The following ECE1 variants were observed in gnomAD, a reference collection of about 807,000 sequenced individuals.
ECE1 encodes the protein endothelin-converting enzyme 1.
In ECE1, 35 loss-of-function variants were observed where a neutral mutation model predicts 98.6. The observed-to-expected ratio is 0.35, with a 90% confidence interval of 0.27 to 0.47. The LOEUF (loss-of-function observed/expected upper bound fraction) is 0.47. Ranked by LOEUF, ECE1 falls within the 20% of genes least tolerant of loss-of-function variation. The probability of loss-of-function intolerance (pLI) is 1.00; values close to 1 mark genes in which losing one functional copy is unlikely to be tolerated. For missense variants in ECE1, 814 were observed against 1,025.3 expected, an observed-to-expected ratio of 0.79 and a Z score of 2.81; for synonymous variants, 394 against 407.1, an observed-to-expected ratio of 0.97 and a Z score of 0.39.
chr1:21,294,739 G>T (rs950536851), upstream of ECE1, among the ~76,000 whole-genome samples: 1 of 152,198 alleles, frequency 6.6e-6, no homozygotes, highest in Non-Finnish European at 1.5e-5. This position sits in a 1 kb window ranked among gnomAD's most constrained non-coding sequence, Gnocchi z 4.2. Context: ...CTTGCGTTTG[G>T]TTGGCCAAAG....
chr1:21,283,035 G>C (rs1161324418), intron 2 of ECE1, among the ~76,000 whole-genome samples: 1 of 148,616 alleles, frequency 6.7e-6, no homozygotes, highest in Non-Finnish European at 1.5e-5. Context: ...TTGGCCTCCC[G>C]GGTTCAAGAG....
chr1:21,291,696 A>T (rs1443578859), upstream of ECE1, among the ~76,000 whole-genome samples: 2 of 152,180 alleles, frequency 1.3e-5, no homozygotes, highest in African/African-American at 2.4e-5. Context: ...GCCTGGTGGC[A>T]TGCATCTGTA....
chr1:21,218,161 G>T lies in ECE1; in HGVS notation c.*1794C>A. Reference sequence around the variant, plus strand: ...ACAGACACCACAGGCCAGACTGGGTGGAGGAATCTTCCCCTCACAATGTCC... The same window carrying T: ...ACAGACACCACAGGCCAGACTGGGTTGAGGAATCTTCCCCTCACAATGTCC... On this transcript the variant is annotated 3_prime_UTR_variant, in exon 19 of 19. Transcript: ENST00000374893. This position sits in a 1 kb window ranked among gnomAD's most constrained non-coding sequence, Gnocchi z 4.0. 1 of 152,444 alleles carries T rather than the reference G, an allele frequency of 6.6e-6. No homozygotes were observed. The highest frequency in any genetic ancestry group is 1.5e-5 in the Non-Finnish European group (1 of 68,118). 9.4% of individuals were successfully genotyped at this position (152,444 alleles called of 1,614,324 possible).
intron 1 of ECE1, among the ~76,000 whole-genome samples, chr1:21,336,347 C>T (rs1639304766): frequency 6.6e-6 from 1 of 152,196 alleles, no homozygotes; most frequent in Non-Finnish European, 1.5e-5. Context: ...TGCCACTGTA[C>T]TCCAGCCTGG....
chr1:21,286,350 A>T (rs2098260532), intron 2 of ECE1, among the ~76,000 whole-genome samples: 1 of 152,212 alleles, frequency 6.6e-6, no homozygotes, highest in South Asian at 2.1e-4. Context: ...TTTCTGTAAT[A>T]ATCCTTGTAA....
intron 8 of ECE1, among the ~76,000 whole-genome samples, chr1:21,252,137 CAG>C (rs1558388009): frequency 2.0e-5 from 3 of 152,214 alleles, no homozygotes; most frequent in Non-Finnish European, 4.4e-5. Flanking sequence ...GATCAAGGTA[CAG>C]ATATAAGACG....
intron 1 of ECE1, among the ~76,000 whole-genome samples, chr1:21,343,191 AG>A (rs957240830): frequency 9.2e-5 from 14 of 152,208 alleles, no homozygotes; most frequent in Non-Finnish European, 1.8e-4. Context: ...CGTGCCAAAA[AG>A]TCTGAGGACC....
At chr1:21,224,289 T>C (rs2098171041) in intron 17 of ECE1, among the ~76,000 whole-genome samples, 1 of 152,236 alleles carries the variant, frequency 6.6e-6, no homozygotes, top group South Asian at 2.1e-4. Context: ...CAGTTTATAT[T>C]CGTCACCTTT....
chr1:21,247,602 A>G (rs535026247), intron 8 of ECE1, among the ~76,000 whole-genome samples: 2 of 152,348 alleles, frequency 1.3e-5, no homozygotes, highest in African/African-American at 4.8e-5. Context: ...CAATGAGAAG[A>G]TGCAGCAGCT....
intron 1 of ECE1, among the ~76,000 whole-genome samples, chr1:21,301,410 C>T (rs1027176499): frequency 1.3e-5 from 2 of 152,144 alleles, no homozygotes; most frequent in East Asian, 1.9e-4. Flanking sequence ...AGGAGAATGG[C>T]GTGAACCCCA....
chr1:21,313,008 G>T lies in ECE1; in HGVS notation c.4-22852C>A, dbSNP rs75040572. On this transcript the variant is annotated intron_variant, in intron 1 of 18. Coordinates refer to the ECE1 transcript ENST00000415912. ...TGCTAAAACTGCAACTCAGAGAGGGGTAGTGACTTGCTTGGATCACACAGC... is the reference window on the plus strand; with the variant it reads ...TGCTAAAACTGCAACTCAGAGAGGGTTAGTGACTTGCTTGGATCACACAGC... 8.7e-3 allele frequency among the ~76,000 whole-genome samples: 1,329 copies of T among 152,282 alleles called. 20 individuals carry two copies. Among genetic ancestry groups the T allele is most frequent in the African/African-American group, 0.03 (1,266 of 41,536 alleles).
Position 21,283,532 on chromosome 1 carries a change from A to G in ECE1, c.139-4200T>C, listed in dbSNP as rs372941560. On this transcript the variant is annotated intron_variant, in intron 2 of 18. Coordinates refer to ENST00000374893, the MANE Select transcript of ECE1 (RefSeq NM_001397.3). ...GTGATCTGCCCGCCTCAGCTTCCCA[A>G]AGTGCTGGGATTACAGGCGTGAACC... Among the ~76,000 whole-genome samples, 9 of 152,272 alleles carry G rather than the reference A, an allele frequency of 5.9e-5. No homozygotes were observed. In the East Asian group the frequency reaches 1.7e-3, roughly 29 times the overall value.
intron 1 of ECE1, among the ~76,000 whole-genome samples, chr1:21,330,739 T>TC (rs1639183290): frequency 6.6e-6 from 1 of 152,118 alleles, no homozygotes; most frequent in African/African-American, 2.4e-5. Flanking sequence ...TCCTTCTTCC[T>TC]CCCCCTGACT....
At chr1:21,337,854 G>T (rs181207706) in intron 1 of ECE1, among the ~76,000 whole-genome samples, 8 of 152,256 alleles carry the variant, frequency 5.3e-5, no homozygotes, top group Admixed American at 5.2e-4. Flanking sequence ...AGTCTCCAAG[G>T]CCCACTCCTG....
chr1:21,259,155 G>A (rs1716031), intron 5 of ECE1, among the ~76,000 whole-genome samples: 4 of 152,200 alleles, frequency 2.6e-5, no homozygotes, highest in African/African-American at 9.7e-5. Context: ...AATGAATTGT[G>A]TGAATGTGAT....
At chr1:21,256,777 C>T (rs531575637) in intron 7 of ECE1, 1 of 154,006 alleles carries the variant, frequency 6.5e-6, no homozygotes, top group African/African-American at 2.4e-5. Flanking sequence ...CACCCGTGTT[C>T]CAAGATCTGA....
intron 4 of ECE1, among the ~76,000 whole-genome samples, chr1:21,262,904 T>C (rs957223998): frequency 6.6e-6 from 1 of 152,054 alleles, no homozygotes; most frequent in African/African-American, 2.4e-5. Flanking sequence ...CCAGGCCGGG[T>C]GTGGGGGACA....
At chr1:21,250,036 C>T (rs552600705) in intron 8 of ECE1, among the ~76,000 whole-genome samples, 1 of 151,920 alleles carries the variant, frequency 6.6e-6, no homozygotes, top group African/African-American at 2.4e-5. Flanking sequence ...GTCTTGGCCT[C>T]CCAAAGTGAG....
intron 1 of ECE1, among the ~76,000 whole-genome samples, chr1:21,320,091 G>A (rs762174288): frequency 1.1e-4 from 17 of 152,240 alleles, no homozygotes; most frequent in African/African-American, 3.9e-4. Context: ...GTGGTGAGCC[G>A]CATTCAAAGC....
Sources: allele counts gnomAD v4.1 joint callset (sites outside exome capture counted in the v4.1 genomes callset), GRCh38; gene constraint gnomAD v4.1.1; non-coding constraint Gnocchi (gnomAD v3.1); transcripts MANE v1.5; gene names NCBI Gene and HGNC (gene_info 2026-07-23, HGNC 2026-07-21).